The following PDS5B variants were observed in gnomAD, a reference collection of about 807,000 sequenced individuals.
PDS5B encodes sister chromatid cohesion protein PDS5 homolog B.
A neutral mutation model predicts 184.1 loss-of-function variants in PDS5B; 51 were observed. That is an observed-to-expected ratio of 0.28 (90% CI 0.22 to 0.35). The LOEUF (loss-of-function observed/expected upper bound fraction) is 0.35, where lower values mean the gene tolerates loss of function less well. Ranked by LOEUF, PDS5B falls within the 10% of genes least tolerant of loss-of-function variation. The pLI is 1.00. For missense variants in PDS5B, 1,180 were observed against 1,723.3 expected (o/e 0.68, Z 5.58); for synonymous variants, 566 against 569.2 (o/e 0.99, Z 0.08).
At chr13:32,682,983 ATCTCT>A (rs1269576712) in intron 10 of PDS5B, among the ~76,000 whole-genome samples, 1 of 149,864 alleles carries the variant, frequency 6.7e-6, no homozygotes, top group Non-Finnish European at 1.5e-5. Context: ...TCTTGTTGTG[ATCTCT>A]TCTCTTGTTA....
intron 3 of PDS5B, among the ~76,000 whole-genome samples, chr13:32,657,075 G>T (rs780071718): frequency 6.6e-6 from 1 of 152,224 alleles, no homozygotes; most frequent in Non-Finnish European, 1.5e-5. Context: ...GGAGAGTTCT[G>T]TAGATGTCTG....
At chr13:32,613,704 T>C (rs905242451) in intron 1 of PDS5B, among the ~76,000 whole-genome samples, 3 of 152,208 alleles carry the variant, frequency 2.0e-5, no homozygotes, top group South Asian at 2.1e-4. Context: ...ACTTTGTTGA[T>C]GGTAGCTTCT....
intron 1 of PDS5B, among the ~76,000 whole-genome samples, chr13:32,648,191 C>T (rs980876782): frequency 5.3e-5 from 8 of 152,234 alleles, no homozygotes; most frequent in Non-Finnish European, 1.2e-4. Flanking sequence ...TTTACCCTCT[C>T]CTTTGCAGGT....
rs904728246 is a variant in PDS5B at position 32,611,604 on chromosome 13, C to T, written c.-20+25011C>T. Among the ~76,000 whole-genome samples, 3 of 148,822 alleles carry T rather than the reference C, an allele frequency of 2.0e-5. No individual in the cohort carries two copies. The Admixed American group carries it at 2.1e-4, about 10-fold the overall frequency. On this transcript the variant is annotated intron_variant, in intron 1 of 34. Coordinates refer to ENST00000315596, the MANE Select transcript of PDS5B (RefSeq NM_015032.4). ...CTCACTGCAGCCTCTGCCTCCTGGG[C>T]TCTAGTGATCTTCCTGCCTCAGCCT... is the stretch of plus-strand genomic sequence containing the variant.
chr13:32,638,027 A>G (rs1484906920), intron 1 of PDS5B, among the ~76,000 whole-genome samples: 2 of 152,286 alleles, frequency 1.3e-5, no homozygotes, highest in African/African-American at 4.8e-5. Context: ...TTATGCATCT[A>G]CAGATATGCC....
intron 13 of PDS5B, chr13:32,689,481 A>G (rs1951486352): frequency 6.6e-6 from 1 of 152,178 alleles, no homozygotes; most frequent in Non-Finnish European, 1.5e-5. Context: ...CTACAGTGGA[A>G]AAGTAGGTTG....
chr13:32,710,645 T>TC (rs1422420320), intron 19 of PDS5B, among the ~76,000 whole-genome samples: 1 of 152,236 alleles, frequency 6.6e-6, no homozygotes, highest in African/African-American at 2.4e-5. Context: ...GAATAAATCT[T>TC]CATTTCTTAC....
chr13:32,743,633 TTGTA>T (rs1953642455), intron 23 of PDS5B, among the ~76,000 whole-genome samples: 1 of 152,152 alleles, frequency 6.6e-6, no homozygotes, highest in Admixed American at 6.5e-5. Context: ...CCTTTCCATC[TTGTA>T]TGTTTTGCTT....
chr13:32,773,427 C>T, intron 34 of PDS5B, 103 bp downstream of exon 34: 10 of 997,180 alleles, frequency 1.0e-5, no homozygotes, highest in Non-Finnish European at 1.5e-5. Flanking sequence ...TGTTTTACTT[C>T]ATTAGTTCAT....
chr13:32,643,466 G>T (rs1401149451), intron 1 of PDS5B, among the ~76,000 whole-genome samples: 1 of 152,114 alleles, frequency 6.6e-6, no homozygotes, highest in Non-Finnish European at 1.5e-5. Context: ...AGTGTCTTCA[G>T]AACTTTTTAT....
chr13:32,669,003 A>T (rs573733578), intron 7 of PDS5B, among the ~76,000 whole-genome samples: 5 of 152,182 alleles, frequency 3.3e-5, no homozygotes, highest in Non-Finnish European at 7.4e-5. Context: ...TCTGTAATCT[A>T]TCTTAATTGC....
At chr13:32,655,096 A>G (rs1044872064) in intron 3 of PDS5B, among the ~76,000 whole-genome samples, 4 of 151,860 alleles carry the variant, frequency 2.6e-5, no homozygotes, top group Non-Finnish European at 5.9e-5. Flanking sequence ...TCTTTGAGAA[A>G]TTGCCAAACT....
At chr13:32,741,705 G>C (rs905485870) in intron 22 of PDS5B, among the ~76,000 whole-genome samples, 45 of 133,336 alleles carry the variant, frequency 3.4e-4, no homozygotes, top group African/African-American at 1.2e-3. Flanking sequence ...CAGTCTGTGT[G>C]TGTGTGTGTG....
intron 1 of PDS5B, among the ~76,000 whole-genome samples, chr13:32,647,694 T>C (rs1950262432): frequency 6.6e-6 from 1 of 152,338 alleles, no homozygotes; most frequent in African/African-American, 2.4e-5. Context: ...AGTTTAGTCT[T>C]TATAATTTTT....
At chr13:32,703,679 A>T (rs1010869109) in intron 17 of PDS5B, among the ~76,000 whole-genome samples, 1 of 152,214 alleles carries the variant, frequency 6.6e-6, no homozygotes, top group African/African-American at 2.4e-5. Flanking sequence ...TACACTGTAC[A>T]GAAAAATTCT....
chr13:32,609,047 A>G (rs2058102655), intron 1 of PDS5B, among the ~76,000 whole-genome samples: 1 of 152,202 alleles, frequency 6.6e-6, no homozygotes, highest in South Asian at 2.1e-4. Context: ...GATACAATAC[A>G]AAGCCATCAC....
chr13:32,630,124 C>T (rs943795608), intron 1 of PDS5B, among the ~76,000 whole-genome samples: 2 of 152,072 alleles, frequency 1.3e-5, no homozygotes, highest in African/African-American at 2.4e-5. Flanking sequence ...TCTTTTTTGA[C>T]GATAGATGTT....
At chr13:32,707,950 A>G (rs957858135) in intron 18 of PDS5B, among the ~76,000 whole-genome samples, 4 of 151,976 alleles carry the variant, frequency 2.6e-5, no homozygotes, top group Non-Finnish European at 5.9e-5. Flanking sequence ...GCAGCTTTCC[A>G]GAAGACATGC....
At chr13:32,598,079 A>G (rs2057909163) in intron 1 of PDS5B, among the ~76,000 whole-genome samples, 1 of 151,952 alleles carries the variant, frequency 6.6e-6, no homozygotes, top group Non-Finnish European at 1.5e-5. Context: ...AATCAAATTA[A>G]TTAATTTACT....
Sources: allele counts gnomAD v4.1 joint callset (sites outside exome capture counted in the v4.1 genomes callset), GRCh38; gene constraint gnomAD v4.1.1; transcripts MANE v1.5; gene names NCBI Gene and HGNC (gene_info 2026-07-23, HGNC 2026-07-21).